Variants in USP53 observed in about 807,000 individuals in gnomAD.
USP53 encodes the protein ubiquitin carboxyl-terminal hydrolase 53.
Under a neutral mutation model 94.9 loss-of-function variants are expected in USP53, and 71 were observed. The ratio of observed to expected loss-of-function variants is 0.75; its 90% CI spans 0.62 to 0.91. The LOEUF (loss-of-function observed/expected upper bound fraction) is 0.91, where lower values mean the gene tolerates loss of function less well. Among genes scored for constraint, USP53 ranks in the 40% least tolerant of loss-of-function variants. The pLI is 0.00. For synonymous variants in USP53, 375 were observed against 422.7 expected, an observed-to-expected ratio of 0.89 and a Z score of 1.39; for missense variants, 1,173 against 1,281.0, an observed-to-expected ratio of 0.92 and a Z score of 1.29.
Position 119,260,644 on chromosome 4 carries a change from T to C in USP53, c.813T>C (p.Tyr271=). ...TTCGGAATCTAGCAACACATCTTTA[T>C]CTTCCTGGGGTATCTTATCTATTTT... ...AVVRNLATHL[Y]LPGLFYRVTD... The change falls in exon 11 of 19, where the codon TAT becomes TAC. Residue 271 remains tyrosine (Y), a synonymous_variant. Coordinates refer to ENST00000692078, the MANE Select transcript of USP53 (RefSeq NM_001371395.1). 1 of 1,613,692 alleles carries C rather than the reference T, an allele frequency of 6.2e-7. No individual in the cohort carries two copies.
chr4:119,229,640 G>T (rs1745786168), intron 3 of USP53, among the ~76,000 whole-genome samples: 3 of 152,152 alleles, frequency 2.0e-5, no homozygotes, highest in Non-Finnish European at 4.4e-5. Flanking sequence ...TTCTGAAAGA[G>T]TGTCATATTC....
chr4:119,260,650 TG>T lies in USP53; in HGVS notation c.822+1del, dbSNP rs749211191. On this transcript the variant is annotated frameshift_variant and splice_region_variant, in exon 11 of 19. Coordinates refer to ENST00000692078, the MANE Select transcript of USP53 (RefSeq NM_001371395.1). LOFTEE classifies it high-confidence loss of function. ...RNLATHLYLP[G>X]LFYRVTDENA... is the part of the protein sequence containing the mutation. The stretch of plus-strand genomic sequence containing the variant: ...ATCTAGCAACACATCTTTATCTTCC[TG>T]GGGTATCTTATCTATTTTCATTCCC... 11 of 1,612,780 alleles carry T rather than the reference TG, an allele frequency of 6.8e-6. No individual in the cohort carries two copies. In the South Asian group the frequency reaches 1.1e-4, roughly 16 times the overall value.
intron 17 of USP53, among the ~76,000 whole-genome samples, chr4:119,281,500 T>C (rs1202892026): frequency 1.3e-5 from 2 of 152,230 alleles, no homozygotes; most frequent in Admixed American, 6.5e-5. Flanking sequence ...GAAACACTTA[T>C]ATTAAGGAAA....
At chr4:119,228,102 A>G (rs1254245439) in intron 3 of USP53, among the ~76,000 whole-genome samples, 3 of 152,226 alleles carry the variant, frequency 2.0e-5, no homozygotes, top group Admixed American at 1.3e-4. Flanking sequence ...CAGTGTTAGT[A>G]GGTCAGAAGT....
chr4:119,271,916 T>G lies in USP53; in HGVS notation c.2056T>G (p.Ser686Ala), dbSNP rs758120516. Reference sequence around the variant, plus strand: ...TAATTGGCAGATGCAAAGGACTGAGTCTGGATATGAAAGCAGTGATCACAT... The same window carrying G: ...TAATTGGCAGATGCAAAGGACTGAGGCTGGATATGAAAGCAGTGATCACAT... ...GDNWQMQRTE[S>A]GYESSDHISN... is the part of the protein sequence containing the mutation. The change falls in exon 16 of 19, where the codon TCT becomes GCT. Residue 686 changes from serine (S) to alanine (A), a missense_variant. Transcript: ENST00000692078. The G allele has an allele frequency of 3.5e-5, 56 of 1,613,936 alleles. No homozygotes were observed. The highest frequency in any genetic ancestry group is 4.5e-5 in the Non-Finnish European group (53 of 1,179,994).
At chr4:119,263,104 C>T (rs1190922517) in intron 12 of USP53, among the ~76,000 whole-genome samples, 2 of 152,144 alleles carry the variant, frequency 1.3e-5, no homozygotes, top group East Asian at 3.8e-4. Context: ...CATTTATCAG[C>T]ACTGTGATTA....
chr4:119,240,102 A>T (rs1181995662), intron 5 of USP53, among the ~76,000 whole-genome samples, 199 bp downstream of exon 5: 1 of 152,084 alleles, frequency 6.6e-6, no homozygotes, highest in Non-Finnish European at 1.5e-5. Context: ...TTTTCAACAG[A>T]CTGATGTATC....
chr4:119,227,504 C>T (rs1469956997), intron 3 of USP53, among the ~76,000 whole-genome samples: 4 of 152,182 alleles, frequency 2.6e-5, no homozygotes, highest in Non-Finnish European at 5.9e-5. Context: ...GTGGCGGGCG[C>T]CTGTAGTCCC....
intron 14 of USP53, 129 bp downstream of exon 14, chr4:119,268,549 C>A: frequency 1.0e-6 from 1 of 963,092 alleles, no homozygotes; most frequent in Non-Finnish European, 1.5e-6. Flanking sequence ...CAAAATTCGT[C>A]TTTTGATTTA....
At chr4:119,259,203 C>T (rs748879248) in intron 9 of USP53, among the ~76,000 whole-genome samples, 1 of 149,738 alleles carries the variant, frequency 6.7e-6, no homozygotes, top group African/African-American at 2.5e-5. Flanking sequence ...ATCACTTTAA[C>T]CTGGGAGGTG....
chr4:119,268,520 G>T, intron 14 of USP53, 100 bp downstream of exon 14: 1 of 1,204,926 alleles, frequency 8.3e-7, no homozygotes. Context: ...GCTGTGAAAA[G>T]ATAATAACAA....
Position 119,291,209 on chromosome 4 carries a change from C to A in USP53, c.2296C>A (p.His766Asn), listed in dbSNP as rs373793003. The change falls in exon 18 of 19, where the codon CAT (histidine) becomes AAT (asparagine). Residue 766 changes from histidine (H) to asparagine (N), a missense_variant. Coordinates refer to ENST00000692078, the MANE Select transcript of USP53 (RefSeq NM_001371395.1). ...LRNLEAGYKS[H>N]EFHPESHLQI... ...GAATTTGGAAGCAGGCTATAAATCT[C>A]ATGAATTCCACCCAGAATCACATTT... 1.5e-6 allele frequency: 2 copies of A among 1,359,592 alleles called. No homozygotes were observed. Among genetic ancestry groups the A allele is most frequent in the African/African-American group, 3.1e-5 (2 of 65,172 alleles). The allele number at this position is 1,359,592 out of a possible 1,614,324, so 84.2% of individuals were successfully genotyped here. A position where few individuals can be genotyped will look rare whatever the true frequency, so the allele number is the denominator to read the frequency against.
intron 5 of USP53, among the ~76,000 whole-genome samples, chr4:119,243,666 T>A (rs889866584): frequency 1.5e-4 from 23 of 152,306 alleles, no homozygotes; most frequent in South Asian, 6.2e-4. Context: ...TGTAGTTTGA[T>A]CCAGTGTAAC....
intron 15 of USP53, among the ~76,000 whole-genome samples, chr4:119,270,878 C>T (rs1373681748): frequency 6.6e-6 from 1 of 152,004 alleles, no homozygotes; most frequent in Non-Finnish European, 1.5e-5. Context: ...GCTCAGTTGC[C>T]CTCTTGAAAG....
In USP53 at chr4:119,239,582, A is replaced by G. The variant is rs747543943; in HGVS notation, c.-178A>G. The stretch of plus-strand genomic sequence containing the variant: ...TTCAATGTTTATGCACCCTATTGTT[A>G]CTTGTCAGAGTCTTTAAGAGTTTAT... On this transcript the variant is annotated 5_prime_UTR_variant, in exon 5 of 19. Coordinates refer to ENST00000692078, the MANE Select transcript of USP53 (RefSeq NM_001371395.1). 10 of 659,174 alleles carry G rather than the reference A, an allele frequency of 1.5e-5. No homozygotes were observed. The highest frequency in any genetic ancestry group is 3.6e-5 in the African/African-American group (2 of 54,858). 40.8% of individuals were successfully genotyped at this position (659,174 alleles called of 1,614,324 possible).
At chr4:119,270,559 A>G (rs1330112521) in intron 15 of USP53, among the ~76,000 whole-genome samples, 1 of 152,214 alleles carries the variant, frequency 6.6e-6, no homozygotes, top group Non-Finnish European at 1.5e-5. Context: ...CATTCAAGTA[A>G]TAAGGAAGTT....
intron 6 of USP53, 38 bp from the exon 7 acceptor site, chr4:119,248,710 C>G: frequency 6.3e-7 from 1 of 1,588,824 alleles, no homozygotes; most frequent in Non-Finnish European, 8.6e-7. Flanking sequence ...GTCGTTAAAG[C>G]TGGCATTAAA....
At chr4:119,268,152 C>A (rs1202825684) in intron 13 of USP53, 116 bp from the exon 14 acceptor site, 5 of 1,020,108 alleles carry the variant, frequency 4.9e-6, no homozygotes, top group African/African-American at 1.9e-5. Context: ...CCGGCCTGGG[C>A]GACAGAGCGA....
Position 119,275,308 on chromosome 4 carries a change from C to T in USP53, c.2251+1600C>T, listed in dbSNP as rs1206232695. 1.4e-4 allele frequency among the ~76,000 whole-genome samples: 15 copies of T among 110,082 alleles called. 1 individual carries two copies. Among genetic ancestry groups the T allele is most frequent in the African/African-American group, 2.9e-4 (9 of 31,258 alleles). The allele number at this position is 110,082 out of a possible 152,430, so 72.2% of individuals were successfully genotyped here. ...AAGGAAGGGATCCAGTTTCAGCTTT[C>T]TCCATATGGCTAGCCAGTTTTCCCA... On this transcript the variant is annotated intron_variant, in intron 17 of 18. Coordinates refer to ENST00000692078, the MANE Select transcript of USP53 (RefSeq NM_001371395.1).
Sources: allele counts gnomAD v4.1 joint callset (sites outside exome capture counted in the v4.1 genomes callset), GRCh38; gene constraint gnomAD v4.1.1; transcripts MANE v1.5; gene names NCBI Gene and HGNC (gene_info 2026-07-23, HGNC 2026-07-21).